Variants in AGAP2 observed in about 807,000 individuals in gnomAD.
AGAP2 encodes arf-GAP with GTPase, ANK repeat and PH domain-containing protein 2.
Under a neutral mutation model 110.9 loss-of-function variants are expected in AGAP2, and 32 were observed. The observed-to-expected ratio is 0.29, with a 90% CI of 0.22 to 0.39. The LOEUF (loss-of-function observed/expected upper bound fraction) is 0.39, where lower values mean the gene tolerates loss of function less well. Among genes scored for constraint, AGAP2 ranks in the 10% least tolerant of loss-of-function variants. The pLI is 1.00. For synonymous variants in AGAP2, 702 were observed against 713.0 expected (o/e 0.98, Z 0.25); for missense variants, 1,285 against 1,638.5 (o/e 0.78, Z 3.72).
At chr12:57,735,847 A>G (rs1309474920) in intron 1 of AGAP2, among the ~76,000 whole-genome samples, 1 of 152,038 alleles carries the variant, frequency 6.6e-6, no homozygotes, top group Non-Finnish European at 1.5e-5. Flanking sequence ...CACAGAAGAG[A>G]GTGTGTCTTC....
chr12:57,733,198 T>G lies in AGAP2; in HGVS notation c.1550-219A>C, dbSNP rs186731758. On this transcript the variant is annotated intron_variant, in intron 5 of 18. Coordinates refer to ENST00000547588, the MANE Select transcript of AGAP2 (RefSeq NM_001122772.3). ...TAGCTGGGTGAGCTGTGTGTGTGTG[T>G]GTGTGTGTGTGTGTGTCCTCAAGGA... Among the ~76,000 whole-genome samples, 17 of 151,900 alleles carry G rather than the reference T, an allele frequency of 1.1e-4. No homozygotes were observed. The East Asian group carries it at 2.1e-3, about 19-fold the overall frequency.
At chr12:57,735,524 C>T (rs1954964618) in intron 1 of AGAP2, 97 bp from the exon 2 acceptor site, 4 of 1,163,824 alleles carry the variant, frequency 3.4e-6, no homozygotes, top group Middle Eastern at 2.7e-4. Flanking sequence ...TTCCAACCCC[C>T]CCCCAACCCT....
intron 2 of AGAP2, 49 bp from the exon 3 acceptor site, chr12:57,734,728 G>A: frequency 6.4e-7 from 1 of 1,554,590 alleles, no homozygotes; most frequent in Non-Finnish European, 8.9e-7. Context: ...AGAGAAGGCA[G>A]GATGCATGGG....
chr12:57,736,314 T>C (rs1328822578), intron 1 of AGAP2, among the ~76,000 whole-genome samples: 3 of 152,068 alleles, frequency 2.0e-5, no homozygotes, highest in South Asian at 2.1e-4. Context: ...GTAATAATAA[T>C]AGACACCCTG....
chr12:57,731,026 A>G (rs932737739), intron 10 of AGAP2, 73 bp from the exon 11 acceptor site: 31 of 1,411,628 alleles, frequency 2.2e-5, no homozygotes, highest in Non-Finnish European at 2.7e-5. Flanking sequence ...TCAACATGGT[A>G]CAGAATAGAG....
At position 57,726,398 on chromosome 12, in the gene AGAP2, A is replaced by C; in HGVS notation, c.*154T>G. 1 of 693,318 alleles carries C rather than the reference A, an allele frequency of 1.4e-6. No individual in the cohort carries two copies. The highest frequency in any genetic ancestry group is 5.5e-4 in the Middle Eastern group (1 of 1,832). 42.9% of individuals were successfully genotyped at this position (693,318 alleles called of 1,614,324 possible). ...AGGGAGGTGAGTTTGTGTCTTCTGG[A>C]AGGCGTGGGGGCTGTGCCCTCGTGG... On this transcript the variant is annotated 3_prime_UTR_variant, in exon 19 of 19. Transcript: ENST00000547588. The surrounding 1 kb of genome is among the most constrained non-coding windows in gnomAD (Gnocchi z 5.7).
At position 57,737,435 on chromosome 12, in the gene AGAP2, C is replaced by G. The variant is rs755745050; in HGVS notation, c.812G>C (p.Gly271Ala). The G allele has an allele frequency of 3.8e-5, 62 of 1,613,572 alleles. No individual in the cohort carries two copies. Among genetic ancestry groups the G allele is most frequent in the Non-Finnish European group, 3.0e-5 (35 of 1,179,806 alleles). ...GARGKLSPRKGKSKTLDNSDL... is the reference protein window; with the variant it reads ...GARGKLSPRKAKSKTLDNSDL... ...ACTGTTGTCCAAGGTCTTACTCTTG[C>G]CTTTCCGAGGGGACAACTTCCCTCG... Residue 271 changes from glycine to alanine, a missense_variant, in exon 1 of 19, where the codon GGC becomes GCC. Around this residue, in one of 7 missense-constraint regions of AGAP2, gnomAD observed 844 missense variants for 941.2 expected, o/e 0.90. Coordinates refer to ENST00000547588, the MANE Select transcript of AGAP2 (RefSeq NM_001122772.3). This position sits in a 1 kb window ranked among gnomAD's most constrained non-coding sequence, Gnocchi z 5.9.
In AGAP2 at chr12:57,727,366, G is replaced by C; in HGVS notation, c.3074C>G (p.Ser1025Cys). 1 of 1,610,256 alleles carries C rather than the reference G, an allele frequency of 6.2e-7. No individual in the cohort carries two copies. The highest frequency in any genetic ancestry group is 8.5e-7 in the Non-Finnish European group (1 of 1,178,602). ...TCTGTTCCCTCACGCTTACCGCGAA[G>C]AGTCCCGCGAGGGCTTGGCACGGCC... is the stretch of plus-strand genomic sequence containing the variant. The part of the protein sequence containing the change: ...TRGRAKPSRD[S>C]SREERESWIR... Residue 1025 changes from serine (S) to cysteine (C), a missense_variant, in exon 17 of 19, where the codon TCT becomes TGT. Ser to Cys is a moderately radical substitution (Grantham distance 112). Around this residue, in one of 7 missense-constraint regions of AGAP2, gnomAD observed 201 missense variants for 276.1 expected, o/e 0.73. Coordinates refer to ENST00000547588, the MANE Select transcript of AGAP2 (RefSeq NM_001122772.3).
upstream of AGAP2, among the ~76,000 whole-genome samples, chr12:57,741,163 C>T (rs1036724926): frequency 1.3e-5 from 2 of 152,130 alleles, no homozygotes; most frequent in African/African-American, 4.8e-5. Flanking sequence ...CTGTTCCTGC[C>T]AGGGCTCCAC....
In AGAP2 at chr12:57,727,393, C is replaced by T. The variant is rs760586368; in HGVS notation, c.3047G>A (p.Arg1016Gln). ...TANRVWESDT[R>Q]GRAKPSRDSS... ...GTCCCGCGAGGGCTTGGCACGGCCT[C>T]GCGTGTCGCTTTCCCACACGCGGTT... is the stretch of plus-strand genomic sequence containing the variant. Residue 1016 changes from arginine to glutamine, a missense_variant, in exon 17 of 19, where the codon CGA (arginine) becomes CAA (glutamine). Arg to Gln is a conservative substitution (Grantham distance 43, BLOSUM62 1). Coordinates refer to ENST00000547588, the MANE Select transcript of AGAP2 (RefSeq NM_001122772.3). 6.2e-7 allele frequency: 1 copy of T among 1,612,810 alleles called. No homozygotes were observed. The highest frequency in any genetic ancestry group is 8.5e-7 in the Non-Finnish European group (1 of 1,179,652).
Position 57,728,775 on chromosome 12 carries a change from T to C in AGAP2, c.2558-398A>G, listed in dbSNP as rs113418945. ...GGCTGAGATGAGAGGGCCCTGGGGC[T>C]GGTGGCGGTGGGGGTGCGGGGAATC... On this transcript the variant is annotated intron_variant, in intron 13 of 18. Transcript: ENST00000547588. Among the ~76,000 whole-genome samples the C allele has an allele frequency of 3.9e-3, 592 of 151,676 alleles. 21 individuals carry two copies. The South Asian group carries it at 0.065, about 17-fold the overall frequency.
In AGAP2 at chr12:57,731,534, T is replaced by C; in HGVS notation, c.2040+22A>G. On this transcript the variant is annotated intron_variant, in intron 9 of 18. Transcript: ENST00000547588. ...ACTAAGACCAGCTGCCCCTAGCCTGTCCCAGCCCCTGGATCACTCACCTGT... is the reference window on the plus strand; with the variant it reads ...ACTAAGACCAGCTGCCCCTAGCCTGCCCCAGCCCCTGGATCACTCACCTGT... 3.1e-6 allele frequency: 5 copies of C among 1,613,978 alleles called. No homozygotes were observed. In the South Asian group the frequency reaches 5.5e-5, roughly 18 times the overall value.
chr12:57,733,989 C>T, intron 5 of AGAP2, 37 bp downstream of exon 5: 2 of 1,527,884 alleles, frequency 1.3e-6, no homozygotes, highest in Admixed American at 4.3e-5. Flanking sequence ...TCCTTAGGGC[C>T]TCCCTTGAAA....
chr12:57,735,125 A>C (rs1954955923), intron 2 of AGAP2, among the ~76,000 whole-genome samples: 1 of 152,160 alleles, frequency 6.6e-6, no homozygotes, highest in Non-Finnish European at 1.5e-5. Flanking sequence ...AGAAGCCTGG[A>C]GGAGGACCAT....
rs757889638 is a variant in AGAP2, at chr12:57,732,454, G to A, written c.1743C>T (p.Ser581=). ...CTGAGTGGCTTGGGGAGCTGGGCAG[G>A]GACTTGCAGGCAGCCAGAAGCTGTT... ...KQQQLLAACK[S]LPSSPSHSAA... is the part of the protein sequence containing the mutation. The change falls in exon 7 of 19, where the codon TCC becomes TCT. Residue 581 remains serine (S), a synonymous_variant. Transcript: ENST00000547588. The A allele has an allele frequency of 1.4e-5, 22 of 1,598,718 alleles. No homozygotes were observed. Among genetic ancestry groups the A allele is most frequent in the East Asian group, 2.3e-5 (1 of 44,228 alleles).
rs1211204896 is a variant in AGAP2, at chr12:57,737,305, C to T, written c.942G>A (p.Gly314=). 4 of 1,613,604 alleles carry T rather than the reference C, an allele frequency of 2.5e-6. No individual in the cohort carries two copies. Among genetic ancestry groups the T allele is most frequent in the Non-Finnish European group, 3.4e-6 (4 of 1,179,828 alleles). ...AVTAASAQPP[G]PAPPITLEPP... ...GCTCCAGAGTGATTGGAGGTGCAGGCCCGGGGGGCTGCGCGGAAGCAGCGG... is the reference window on the plus strand; with the variant it reads ...GCTCCAGAGTGATTGGAGGTGCAGGTCCGGGGGGCTGCGCGGAAGCAGCGG... The change falls in exon 1 of 19, where the codon GGG becomes GGA. Residue 314 remains glycine, a synonymous_variant. Transcript: ENST00000547588. The surrounding 1 kb of genome is among the most constrained non-coding windows in gnomAD (Gnocchi z 5.9).
rs1459324932 is a variant in AGAP2 at position 57,727,447 on chromosome 12, A to AC, written c.2992dup (p.Val998GlyfsTer124). 1 of 1,613,566 alleles carries AC rather than the reference A, an allele frequency of 6.2e-7. No individual in the cohort carries two copies. Among genetic ancestry groups the AC allele is most frequent in the Non-Finnish European group, 8.5e-7 (1 of 1,179,942 alleles). On this transcript the variant is annotated frameshift_variant, in exon 17 of 19. Coordinates refer to ENST00000547588, the MANE Select transcript of AGAP2 (RefSeq NM_001122772.3). LOFTEE classifies it high-confidence loss of function. ...CGTGTCGTTGCCAATAGCCGTCAGC[A>AC]CCAGGGTCAGCTCCCGTGGCCAGTC...
intron 12 of AGAP2, 150 bp downstream of exon 12, chr12:57,730,345 A>T: frequency 9.0e-7 from 1 of 1,107,524 alleles, no homozygotes; most frequent in Non-Finnish European, 1.3e-6. Flanking sequence ...ATTATGATAG[A>T]CATGGTATGA....
chr12:57,728,258 G>C, intron 14 of AGAP2, 60 bp downstream of exon 14: 2 of 1,590,616 alleles, frequency 1.3e-6, no homozygotes, highest in East Asian at 4.5e-5. Flanking sequence ...GGGGAAGGCG[G>C]GGGCACCCCC....
Sources: gnomAD v4.1 joint callset for allele counts (sites outside exome capture counted in the v4.1 genomes callset) on GRCh38, gnomAD v4.1.1 for gene constraint, gnomAD v4.1.1 regional missense constraint, Gnocchi (gnomAD v3.1) non-coding constraint, MANE v1.5 for transcripts, NCBI Gene and HGNC (gene_info 2026-07-23, HGNC 2026-07-21) for gene names.